Variants in CDK13 observed in about 807,000 individuals in gnomAD.
CDK13 encodes cyclin dependent kinase 13.
In CDK13, 40 loss-of-function variants were observed where a neutral mutation model predicts 137.6. The ratio of observed to expected loss-of-function variants is 0.29; its 90% CI spans 0.23 to 0.38. The LOEUF (loss-of-function observed/expected upper bound fraction) is 0.38. Ranked by LOEUF, CDK13 falls within the 10% of genes least tolerant of loss-of-function variation. The pLI, the probability that CDK13 is intolerant of heterozygous loss-of-function variation, is 1.00. For missense variants in CDK13, 1,704 were observed against 1,951.8 expected (o/e 0.87, Z 2.39); for synonymous variants, 869 against 760.1 (o/e 1.14, Z -2.36).
chr7:39,991,487 GTGT>G (rs1784454337), intron 2 of CDK13, among the ~76,000 whole-genome samples: 7 of 31,794 alleles, frequency 2.2e-4, no homozygotes, highest in Non-Finnish European at 9.3e-5. Flanking sequence ...TAGCAAAAGT[GTGT>G]GTGTGTGTGT....
In CDK13 at chr7:40,064,957, A is replaced by ATTT. The variant is rs56710188; in HGVS notation, c.2780+1889_2780+1891dup. Among the ~76,000 whole-genome samples the ATTT allele has an allele frequency of 1.6e-3, 76 of 46,138 alleles. 2 individuals are homozygous for ATTT. Among genetic ancestry groups the ATTT allele is most frequent in the East Asian group, 2.6e-3 (3 of 1,158 alleles). 30.3% of individuals were successfully genotyped at this position (46,138 alleles called of 152,430 possible). ...CAGGCATGCACCACCATGCTGGGTG[A>ATTT]TTTTTTTTTTTTTTTTTTTTTTTTT... On this transcript the variant is annotated intron_variant, in intron 9 of 13. Coordinates refer to ENST00000181839, the MANE Select transcript of CDK13 (RefSeq NM_003718.5).
chr7:40,032,766 A>G (rs1365746373), intron 5 of CDK13, among the ~76,000 whole-genome samples: 1 of 150,834 alleles, frequency 6.6e-6, no homozygotes, highest in African/African-American at 2.4e-5. Context: ...TTTTTTTCCC[A>G]CTGATACCAT....
At chr7:39,975,115 G>A (rs28714188) in intron 1 of CDK13, among the ~76,000 whole-genome samples, 2 of 151,854 alleles carry the variant, frequency 1.3e-5, no homozygotes, top group East Asian at 3.9e-4. Flanking sequence ...TTAAGCTCTG[G>A]TGTAAAAAAA....
intron 5 of CDK13, among the ~76,000 whole-genome samples, chr7:40,029,778 G>C (rs973046763): frequency 6.6e-6 from 1 of 151,744 alleles, no homozygotes; most frequent in African/African-American, 2.4e-5. Context: ...TCAGCCTCCC[G>C]CGTAGCTGGG....
At chr7:40,025,861 TTCTC>T (rs1185891074) in intron 5 of CDK13, among the ~76,000 whole-genome samples, 1 of 152,248 alleles carries the variant, frequency 6.6e-6, no homozygotes, top group Non-Finnish European at 1.5e-5. Context: ...AAATGCTTTA[TTCTC>T]TCTTAGTTTT....
chr7:40,057,881 G>A (rs1786055584), intron 7 of CDK13, among the ~76,000 whole-genome samples: 1 of 152,012 alleles, frequency 6.6e-6, no homozygotes, highest in African/African-American at 2.4e-5. Flanking sequence ...TCAAATAGGG[G>A]GAAAGAACAT....
chr7:40,060,945 G>GT (rs956978743), intron 7 of CDK13: 1 of 152,202 alleles, frequency 6.6e-6, no homozygotes, highest in African/African-American at 2.4e-5. Flanking sequence ...GCGGGTGCCT[G>GT]TAATCCCAGC....
chr7:40,073,969 C>T (rs1002362793), intron 9 of CDK13, among the ~76,000 whole-genome samples: 5 of 148,172 alleles, frequency 3.4e-5, no homozygotes, highest in African/African-American at 5.0e-5. Context: ...GTGGCCTGAT[C>T]TCAGCTCACT....
At chr7:40,031,538 A>G (rs1785379436) in intron 5 of CDK13, among the ~76,000 whole-genome samples, 1 of 152,144 alleles carries the variant, frequency 6.6e-6, no homozygotes, top group Non-Finnish European at 1.5e-5. Flanking sequence ...AAGAAAAGAA[A>G]TATGATATTA....
At chr7:40,004,281 TCTC>T (rs1222635523) in intron 5 of CDK13, among the ~76,000 whole-genome samples, 2 of 152,184 alleles carry the variant, frequency 1.3e-5, no homozygotes, top group African/African-American at 2.4e-5. Flanking sequence ...TAGTTTTGTT[TCTC>T]CTCAGTGCCT....
intron 5 of CDK13, among the ~76,000 whole-genome samples, chr7:40,005,651 G>A (rs1784784033): frequency 6.6e-6 from 1 of 152,076 alleles, no homozygotes; most frequent in African/African-American, 2.4e-5. Flanking sequence ...GAAACAGAGG[G>A]TTAAGTGGTA....
intron 2 of CDK13, among the ~76,000 whole-genome samples, chr7:39,994,686 A>G (rs969315797): frequency 6.6e-6 from 1 of 152,176 alleles, no homozygotes; most frequent in Non-Finnish European, 1.5e-5. Context: ...TATTATGTAA[A>G]TCTTTGGATT....
chr7:40,069,066 T>G (rs1786351475), intron 9 of CDK13, among the ~76,000 whole-genome samples: 2 of 152,100 alleles, frequency 1.3e-5, no homozygotes, highest in South Asian at 4.1e-4. Flanking sequence ...AAACCCCGTC[T>G]CTACAAAAAA....
chr7:40,069,401 GGGTTGGGTT>G, intron 9 of CDK13: 2 of 431,468 alleles, frequency 4.6e-6, no homozygotes, highest in South Asian at 3.2e-5. Flanking sequence ...GAATCTTACA[GGGTTGGGTT>G]CTAATGCCAG....
chr7:40,082,741 A>T (rs1237662587), intron 11 of CDK13, among the ~76,000 whole-genome samples: 1 of 150,962 alleles, frequency 6.6e-6, no homozygotes, highest in Non-Finnish European at 1.5e-5. Context: ...CAGTGAGCCA[A>T]GATCTTGCCG....
At chr7:40,064,634 T>C (rs1786236087) in intron 9 of CDK13, among the ~76,000 whole-genome samples, 1 of 152,114 alleles carries the variant, frequency 6.6e-6, no homozygotes, top group South Asian at 2.1e-4. Context: ...TCTCTGGGGA[T>C]AACTTGGCTA....
At chr7:40,021,106 T>TACACACACACACACACACACACAC (rs778814352) in intron 5 of CDK13, among the ~76,000 whole-genome samples, 6 of 65,346 alleles carry the variant, frequency 9.2e-5, no homozygotes, top group South Asian at 5.1e-4. Context: ...AACAAACGTA[T>TACACACACACACACACACACACAC]ATATATATAT....
At chr7:40,057,785 G>T (rs1393241321) in intron 7 of CDK13, among the ~76,000 whole-genome samples, 2 of 152,134 alleles carry the variant, frequency 1.3e-5, no homozygotes, top group Non-Finnish European at 2.9e-5. Context: ...GGAAAAAATT[G>T]GTTTTGTTTC....
chr7:39,973,464 C>T (rs1421383170), intron 1 of CDK13, among the ~76,000 whole-genome samples: 4 of 152,034 alleles, frequency 2.6e-5, no homozygotes, highest in Admixed American at 1.3e-4. Flanking sequence ...ATTGGGCTGT[C>T]GTCTTATTAT....
Sources: gnomAD v4.1 joint callset for allele counts (sites outside exome capture counted in the v4.1 genomes callset) on GRCh38, gnomAD v4.1.1 for gene constraint, MANE v1.5 for transcripts, NCBI Gene and HGNC (gene_info 2026-07-23, HGNC 2026-07-21) for gene names.